Variants in TMIGD1 observed in about 807,000 individuals in gnomAD.
The protein encoded by TMIGD1 is transmembrane and immunoglobulin domain containing 1.
Under a neutral mutation model 27.5 loss-of-function variants are expected in TMIGD1, and 29 were observed. That is an observed-to-expected ratio of 1.05 (90% CI 0.78 to 1.44). TMIGD1 has a LOEUF of 1.44. Ranked by LOEUF, TMIGD1 falls within the 40% of genes most tolerant of loss-of-function variation. TMIGD1 has a pLI of 0.00. For missense variants in TMIGD1, 334 were observed against 310.6 expected, an observed-to-expected ratio of 1.08 and a Z score of -0.57; for synonymous variants, 109 against 110.3, an observed-to-expected ratio of 0.99 and a Z score of 0.07.
intron 5 of TMIGD1, 75 bp from the exon 6 acceptor site, chr17:30,317,308 G>A (rs1248135112): frequency 1.9e-6 from 3 of 1,545,092 alleles, no homozygotes; most frequent in East Asian, 4.5e-5. Flanking sequence ...CATTAAGATG[G>A]CTCGAGGACA....
chr17:30,317,019 CT>C, intron 6 of TMIGD1, 173 bp downstream of exon 6: 1 of 754,632 alleles, frequency 1.3e-6, no homozygotes, highest in Non-Finnish European at 2.2e-6. Flanking sequence ...TTCTAGGCAA[CT>C]TTTCAACCTG....
intron 4 of TMIGD1, among the ~76,000 whole-genome samples, chr17:30,323,537 C>T (rs914081060): frequency 6.6e-6 from 1 of 152,142 alleles, no homozygotes; most frequent in Non-Finnish European, 1.5e-5. Flanking sequence ...TTTGGAAGAG[C>T]CCCACCCAAA....
intron 2 of TMIGD1, among the ~76,000 whole-genome samples, chr17:30,331,714 G>A (rs770897001): frequency 4.0e-5 from 6 of 150,518 alleles, no homozygotes; most frequent in East Asian, 2.0e-4. Flanking sequence ...TCAGCCACCC[G>A]AGTAGCTGGA....
rs1469762145 is a variant in TMIGD1 at position 30,318,808 on chromosome 17, A to G, written c.744+2T>C. 11 of 1,600,168 alleles carry G rather than the reference A, an allele frequency of 6.9e-6. No individual in the cohort carries two copies. Among genetic ancestry groups the G allele is most frequent in the Non-Finnish European group, 9.4e-6 (11 of 1,167,730 alleles). ...CTTAAATAGCTCAGAATACTTAGATACCTTCATTATTTTCTTTCTTCTAGC... is the reference window on the plus strand; with the variant it reads ...CTTAAATAGCTCAGAATACTTAGATGCCTTCATTATTTTCTTTCTTCTAGC... On this transcript the variant is annotated splice_donor_variant, in intron 5 of 6. Coordinates refer to ENST00000328886, the MANE Select transcript of TMIGD1 (RefSeq NM_206832.3). LOFTEE classifies it high-confidence loss of function.
At chr17:30,325,297 G>T (rs1909741830) in intron 3 of TMIGD1, among the ~76,000 whole-genome samples, 1 of 152,128 alleles carries the variant, frequency 6.6e-6, no homozygotes, top group Non-Finnish European at 1.5e-5. Flanking sequence ...TTAATGTGAT[G>T]AAGAAGACAA....
intron 5 of TMIGD1, among the ~76,000 whole-genome samples, 175 bp downstream of exon 5, chr17:30,318,635 A>G (rs955482989): frequency 1.3e-5 from 2 of 152,208 alleles, no homozygotes; most frequent in East Asian, 3.8e-4. Context: ...ATCTGTACTC[A>G]TAATGTACAT....
intron 1 of TMIGD1, 38 bp from the exon 2 acceptor site, chr17:30,332,196 T>C: frequency 7.6e-7 from 1 of 1,315,120 alleles, no homozygotes; most frequent in Non-Finnish European, 1.1e-6. Flanking sequence ...TGTACTTTGG[T>C]CTGCAATGAG....
chr17:30,325,296 T>C (rs551567032), intron 3 of TMIGD1, among the ~76,000 whole-genome samples: 1 of 152,280 alleles, frequency 6.6e-6, no homozygotes, highest in South Asian at 2.1e-4. Context: ...TTTAATGTGA[T>C]GAAGAAGACA....
intron 4 of TMIGD1, 147 bp from the exon 5 acceptor site, chr17:30,319,060 T>A: frequency 1.6e-6 from 1 of 626,994 alleles, no homozygotes; most frequent in Non-Finnish European, 2.8e-6. Flanking sequence ...TTGTCCTCAT[T>A]TCACAGGTGA....
At position 30,329,358 on chromosome 17, in the gene TMIGD1, C is replaced by T. The variant is rs1909897809; in HGVS notation, c.254G>A (p.Ser85Asn). The T allele has an allele frequency of 6.2e-7, 1 of 1,614,118 alleles. No homozygotes were observed. The change falls in exon 3 of 7, where the codon AGC (serine) becomes AAC (asparagine). Residue 85 changes from serine (S) to asparagine (N), a missense_variant. Physicochemically the swap from Ser to Asn is conservative, Grantham distance 46 (BLOSUM62 1). Transcript: ENST00000328886. ...DLKSGNKINS[S>N]SVCVSSISEN... is the part of the protein sequence containing the mutation. ...ACTGATGGAAGAGACACAGACAGAG[C>T]TGGAATTGATTTTGTTTCCAGATTT...
At chr17:30,331,947 C>T (rs1207986608) in intron 2 of TMIGD1, 105 bp downstream of exon 2, 1 of 721,536 alleles carries the variant, frequency 1.4e-6, no homozygotes, top group East Asian at 2.7e-5. Context: ...ACTGTGTAGT[C>T]ATTCCAATTT....
chr17:30,328,902 TG>T (rs2143175586), intron 3 of TMIGD1, among the ~76,000 whole-genome samples: 1 of 142,630 alleles, frequency 7.0e-6, no homozygotes, highest in Non-Finnish European at 1.5e-5. Flanking sequence ...AGGTGGAGGT[TG>T]CAGTGAGCCG....
chr17:30,317,296 T>A, intron 5 of TMIGD1, 63 bp from the exon 6 acceptor site: 2 of 1,584,848 alleles, frequency 1.3e-6, no homozygotes, highest in Non-Finnish European at 1.7e-6. Context: ...ATATTTTGAA[T>A]GCATTAAGAT....
rs1306691603 is a variant in TMIGD1 at position 30,332,078 on chromosome 17, A to T, written c.56T>A (p.Ile19Asn). Residue 19 changes from isoleucine to asparagine, a missense_variant, in exon 2 of 7, where the codon ATT becomes AAT. Transcript: ENST00000328886. ...MQMGRFLLLV[I>N]LFLPREMTSS... ...TGTCATCTCACGTGGCAGAAATAAAATTACTAAGAGAAGAAATCTTCCCAT... is the reference window on the plus strand; with the variant it reads ...TGTCATCTCACGTGGCAGAAATAAATTTACTAAGAGAAGAAATCTTCCCAT... 6.2e-7 allele frequency: 1 copy of T among 1,613,372 alleles called. No individual in the cohort carries two copies. The highest frequency in any genetic ancestry group is 8.5e-7 in the Non-Finnish European group (1 of 1,179,590).
In TMIGD1 at chr17:30,329,314, T is replaced by C; in HGVS notation, c.298A>G (p.Ser100Gly). Residue 100 changes from serine to glycine, a missense_variant, in exon 3 of 7, where the codon AGC becomes GGC. Coordinates refer to ENST00000328886, the MANE Select transcript of TMIGD1 (RefSeq NM_206832.3). ...TCCCTCCCCAGCCTGCAGGTAAAGC[T>C]GATTCCGTTGTCATTTTCACTGATG... ...SSISENDNGISFTCRLGRDQS... is the reference protein window; with the variant it reads ...SSISENDNGIGFTCRLGRDQS... The C allele has an allele frequency of 6.2e-7, 1 of 1,614,084 alleles. No homozygotes were observed. Among genetic ancestry groups the C allele is most frequent in the Admixed American group, 1.7e-5 (1 of 60,018 alleles).
Position 30,316,704 on chromosome 17 carries a change from A to G in TMIGD1, c.786-14T>C. 6.2e-7 allele frequency: 1 copy of G among 1,612,398 alleles called. No homozygotes were observed. The highest frequency in any genetic ancestry group is 1.7e-5 in the Admixed American group (1 of 59,882). ...CAGCTTTCTCATCTGAAATGAATGA[A>G]GAAATTAATAATAATGATGCTCATA... is the stretch of plus-strand genomic sequence containing the variant. On this transcript the variant is annotated splice_polypyrimidine_tract_variant and intron_variant, in intron 6 of 6. Transcript: ENST00000328886.
At chr17:30,330,435 G>T (rs1474182295) in intron 2 of TMIGD1, among the ~76,000 whole-genome samples, 1 of 152,106 alleles carries the variant, frequency 6.6e-6, no homozygotes, top group Non-Finnish European at 1.5e-5. Flanking sequence ...AATATTTAAG[G>T]TATAAACTTT....
At chr17:30,333,726 A>G (rs949824631) in intron 1 of TMIGD1, among the ~76,000 whole-genome samples, 6 of 152,116 alleles carry the variant, frequency 3.9e-5, no homozygotes, top group African/African-American at 1.4e-4. Context: ...TTTGCCAAAA[A>G]GATTTCTATC....
chr17:30,320,861 C>CT (rs948826123), intron 4 of TMIGD1, among the ~76,000 whole-genome samples: 21 of 152,112 alleles, frequency 1.4e-4, no homozygotes, highest in Non-Finnish European at 2.2e-4. Context: ...TAGTGAGACC[C>CT]TTTTTTTCTT....
Sources: allele counts gnomAD v4.1 joint callset (sites outside exome capture counted in the v4.1 genomes callset), GRCh38; gene constraint gnomAD v4.1.1; transcripts MANE v1.5; gene names NCBI Gene and HGNC (gene_info 2026-07-23, HGNC 2026-07-21).